IREB2: variants seen among roughly 807,000 people sequenced by gnomAD.
IREB2 encodes the protein iron responsive element binding protein 2.
Under a neutral mutation model 118.8 loss-of-function variants are expected in IREB2, and 39 were observed. That is an observed-to-expected ratio of 0.33 (90% CI 0.25 to 0.43). The LOEUF is 0.43. IREB2 is among the 20% of genes least tolerant of loss of function. The pLI, the probability that IREB2 is intolerant of heterozygous loss-of-function variation, is 1.00. For synonymous variants in IREB2, 372 were observed against 392.2 expected (o/e 0.95, Z 0.61); for missense variants, 900 against 1,147.3 (o/e 0.78, Z 3.11).
At chr15:78,471,222 T>G (rs2051371671) in intron 6 of IREB2, among the ~76,000 whole-genome samples, 2 of 152,184 alleles carry the variant, frequency 1.3e-5, no homozygotes, top group Admixed American at 1.3e-4. Context: ...TTGGCCAGGC[T>G]GGTCTCGAGC....
chr15:78,487,864 T>A lies in IREB2; in HGVS notation c.1794+47T>A. 4 of 1,161,636 alleles carry A rather than the reference T, an allele frequency of 3.4e-6. No individual in the cohort carries two copies. The South Asian group carries it at 5.2e-5, about 15-fold the overall frequency. The allele number at this position is 1,161,636 out of a possible 1,614,324, so 72.0% of individuals were successfully genotyped here. On this transcript the variant is annotated intron_variant, in intron 14 of 21. Transcript: ENST00000258886. ...GACATCTAAATGATTTTCTTAACTA[T>A]GTTTTGTTACTAAATTATAGAAAAT... is the stretch of plus-strand genomic sequence containing the variant.
chr15:78,494,085 A>C, intron 19 of IREB2, 29 bp downstream of exon 19: 1 of 1,613,138 alleles, frequency 6.2e-7, no homozygotes, highest in Non-Finnish European at 8.5e-7. Flanking sequence ...TATTTAGACA[A>C]TTTATAACTG....
intron 20 of IREB2, 60 bp downstream of exon 20, chr15:78,494,324 T>A: frequency 1.3e-6 from 2 of 1,510,318 alleles, no homozygotes; most frequent in Non-Finnish European, 1.8e-6. Flanking sequence ...TTCCCTTTTG[T>A]CAGTAACATC....
chr15:78,465,335 T>C lies in IREB2; in HGVS notation c.357T>C (p.Ala119=). 5 of 1,613,880 alleles carry C rather than the reference T, an allele frequency of 3.1e-6. No homozygotes were observed. Among genetic ancestry groups the C allele is most frequent in the Non-Finnish European group, 4.2e-6 (5 of 1,179,850 alleles). The change falls in exon 4 of 22, where the codon GCT becomes GCC. Residue 119 remains alanine, a synonymous_variant. Transcript: ENST00000258886. ...LGGDPEKVHP[A]CPTDLTVDHS... ...GTGATCCTGAGAAAGTCCATCCTGC[T>C]TGTCCGACAGATCTTACAGTTGACC...
At chr15:78,485,398 G>C (rs11858961) in intron 12 of IREB2, among the ~76,000 whole-genome samples, 1 of 123,972 alleles carries the variant, frequency 8.1e-6, no homozygotes, top group East Asian at 2.4e-4. Context: ...AAAATGGTTT[G>C]CTTTAGAAAA....
At chr15:78,482,090 C>T (rs538616816) in intron 10 of IREB2, among the ~76,000 whole-genome samples, 169 of 151,930 alleles carry the variant, frequency 1.1e-3, no homozygotes, top group Middle Eastern at 6.8e-3. Flanking sequence ...CTTAGCCAGG[C>T]GTGGTGGCGC....
intron 2 of IREB2, among the ~76,000 whole-genome samples, chr15:78,456,484 G>A (rs955856699): frequency 2.0e-5 from 3 of 151,440 alleles, no homozygotes; most frequent in Admixed American, 6.6e-5. Flanking sequence ...GCAACATGGC[G>A]AAACCCTATT....
At chr15:78,456,351 A>T (rs752818432) in intron 2 of IREB2, among the ~76,000 whole-genome samples, 1 of 152,162 alleles carries the variant, frequency 6.6e-6, no homozygotes, top group Non-Finnish European at 1.5e-5. Flanking sequence ...CTTCTTCATG[A>T]CAAAATGTTG....
intron 3 of IREB2, 23 bp downstream of exon 3, chr15:78,463,110 G>A (rs1244526378): frequency 6.4e-7 from 1 of 1,563,830 alleles, no homozygotes; most frequent in Admixed American, 1.9e-5. Flanking sequence ...TTTATTTTTT[G>A]TGAATGAACT....
Position 78,466,432 on chromosome 15 carries a change from C to T in IREB2, c.572C>T (p.Ser191Phe). 3.1e-6 allele frequency: 5 copies of T among 1,614,184 alleles called. No homozygotes were observed. The highest frequency in any genetic ancestry group is 4.2e-6 in the Non-Finnish European group (5 of 1,180,012). Residue 191 changes from serine (S) to phenylalanine (F), a missense_variant, in exon 5 of 22, where the codon TCT becomes TTT. By Grantham distance (155) the Ser-to-Phe change is radical (BLOSUM62 -2). Coordinates refer to ENST00000258886, the MANE Select transcript of IREB2 (RefSeq NM_004136.4). Reference sequence around the variant, plus strand: ...CTAGGCCGAAACTCAGGAACATTTTCTTCGCAGATTGAGAATACACCCATC... The same window carrying T: ...CTAGGCCGAAACTCAGGAACATTTTTTTCGCAGATTGAGAATACACCCATC... ...GELGRNSGTF[S>F]SQIENTPILC...
chr15:78,490,059 G>A (rs1173804062), intron 16 of IREB2, among the ~76,000 whole-genome samples: 2 of 152,066 alleles, frequency 1.3e-5, no homozygotes, highest in Non-Finnish European at 2.9e-5. Flanking sequence ...CATCTGGTAT[G>A]CTAGAATTTG....
At chr15:78,494,111 TAAA>T in intron 19 of IREB2, 28 bp from the exon 20 acceptor site, 2 of 1,612,814 alleles carry the variant, frequency 1.2e-6, no homozygotes, top group East Asian at 2.2e-5. Context: ...AAATTTGTAT[TAAA>T]AAATTTTGTG....
chr15:78,458,291 G>A (rs745744572), intron 2 of IREB2, among the ~76,000 whole-genome samples: 16 of 152,256 alleles, frequency 1.1e-4, no homozygotes, highest in South Asian at 4.1e-4. Flanking sequence ...CTGTGGGGTT[G>A]GGGTGATTGT....
At chr15:78,475,015 A>G (rs1296405841) in intron 8 of IREB2, 1 of 138,284 alleles carries the variant, frequency 7.2e-6, no homozygotes, top group African/African-American at 2.7e-5. Flanking sequence ...AGATTGCGCC[A>G]CTGCAGTCCG....
Position 78,493,786 on chromosome 15 carries a change from TTTG to T in IREB2, c.2325-120_2325-118del, listed in dbSNP as rs543457174. The T allele has an allele frequency of 2.3e-4, 188 of 812,546 alleles. No homozygotes were observed. In the African/African-American group the frequency reaches 3.1e-3, roughly 14 times the overall value. 50.3% of individuals were successfully genotyped at this position (812,546 alleles called of 1,614,324 possible). A position where few individuals can be genotyped will look rare whatever the true frequency, so the allele number is the denominator to read the frequency against. On this transcript the variant is annotated intron_variant, in intron 18 of 21. Coordinates refer to ENST00000258886, the MANE Select transcript of IREB2 (RefSeq NM_004136.4). ...TGATAGGCGCATGGACATTCATGGT[TTTG>T]TTTTCTTTTGTGTTTGAAATTTTCT...
rs1251606186 is a variant in IREB2, at chr15:78,494,026, TA to T, written c.2446del (p.Thr816GlnfsTer10). 1 of 1,614,124 alleles carries T rather than the reference TA, an allele frequency of 6.2e-7. No homozygotes were observed. Among genetic ancestry groups the T allele is most frequent in the South Asian group, 1.1e-5 (1 of 91,078 alleles). On this transcript the variant is annotated frameshift_variant, in exon 19 of 22. Transcript: ENST00000258886. LOFTEE classifies it high-confidence loss of function. ...FNKFIGKPAP[K>X]TIHFPSGQTL... ...ATAAGTTTATTGGAAAACCAGCTCC[TA>T]AAACAATTCATTTTCCATCAGGACA...
In IREB2 at chr15:78,466,288, C is replaced by G. The variant is rs2051280779; in HGVS notation, c.428C>G (p.Pro143Arg). The change falls in exon 5 of 22, where the codon CCA becomes CGA. Residue 143 changes from proline (P) to arginine (R), a missense_variant. Transcript: ENST00000258886. ...DFSKCAIQNAPNPGGGDLQKA... is the reference protein window; with the variant it reads ...DFSKCAIQNARNPGGGDLQKA... ...AATGACAGTGCAATACAGAATGCAC[C>G]AAATCCTGGAGGTGGTGACCTGCAG... The G allele has an allele frequency of 6.2e-7, 1 of 1,612,802 alleles. No homozygotes were observed. Among genetic ancestry groups the G allele is most frequent in the African/African-American group, 1.3e-5 (1 of 74,828 alleles).
At chr15:78,438,571 G>A (rs934964006) in intron 1 of IREB2, 10 of 577,732 alleles carry the variant, frequency 1.7e-5, no homozygotes, top group Admixed American at 9.1e-5. Context: ...CGCGACACCC[G>A]CAGGGCGGGC....
chr15:78,492,169 A>T (rs1347910565), intron 18 of IREB2, among the ~76,000 whole-genome samples: 1 of 152,208 alleles, frequency 6.6e-6, no homozygotes, highest in Non-Finnish European at 1.5e-5. Flanking sequence ...GATAAAAGTC[A>T]GTTGTTGATT....
Sources: gnomAD v4.1 joint callset for allele counts (sites outside exome capture counted in the v4.1 genomes callset) on GRCh38, gnomAD v4.1.1 for gene constraint, MANE v1.5 for transcripts, NCBI Gene and HGNC (gene_info 2026-07-23, HGNC 2026-07-21) for gene names.